ASIC2: variants seen among roughly 807,000 people sequenced by gnomAD.
ASIC2 encodes acid-sensing ion channel 2.
Under a neutral mutation model 57.3 loss-of-function variants are expected in ASIC2, and 25 were observed. That is an observed-to-expected ratio of 0.44 (90% CI 0.32 to 0.61). The LOEUF is 0.61. Ranked by LOEUF, ASIC2 falls within the 20% of genes least tolerant of loss-of-function variation. The probability of loss-of-function intolerance (pLI) is 0.06; values close to 1 mark genes in which losing one functional copy is unlikely to be tolerated. For synonymous variants in ASIC2, 319 were observed against 307.5 expected, an observed-to-expected ratio of 1.04 and a Z score of -0.39; for missense variants, 641 against 738.1, an observed-to-expected ratio of 0.87 and a Z score of 1.52.
chr17:33,274,982 C>A (rs34402407), intron 1 of ASIC2, among the ~76,000 whole-genome samples: 3,383 of 152,188 alleles, frequency 0.022, 96 homozygotes, highest in African/African-American at 0.067. Flanking sequence ...CACCCCTCCT[C>A]ATTTCTCCCA....
chr17:33,912,481 A>G (rs1915489534), intron 1 of ASIC2, among the ~76,000 whole-genome samples: 1 of 151,838 alleles, frequency 6.6e-6, no homozygotes. Context: ...CCTCCATCTC[A>G]AAACAAACAA....
rs80019996 is a variant in ASIC2, at chr17:34,058,251, G to A, written c.555+97727C>T. Reference sequence around the variant, plus strand: ...GGCTGCCTATGTAAGATGCACCTCCGAGTTTTCTTTGAGGGTTCAATGATA... The same window carrying A: ...GGCTGCCTATGTAAGATGCACCTCCAAGTTTTCTTTGAGGGTTCAATGATA... On this transcript the variant is annotated intron_variant, in intron 1 of 9. Transcript: ENST00000359872. Among the ~76,000 whole-genome samples, 449 of 152,280 alleles carry A rather than the reference G, an allele frequency of 2.9e-3. 3 individuals carry two copies. The highest frequency in any genetic ancestry group is 0.01 in the African/African-American group (426 of 41,562).
At chr17:34,046,623 C>G (rs1054483827) in intron 1 of ASIC2, among the ~76,000 whole-genome samples, 8 of 152,132 alleles carry the variant, frequency 5.3e-5, no homozygotes, top group Non-Finnish European at 1.0e-4. Context: ...CCTCCCACAC[C>G]AGTACCTACC....
At chr17:33,877,343 A>AG in intron 1 of ASIC2, among the ~76,000 whole-genome samples, 1 of 152,212 alleles carries the variant, frequency 6.6e-6, no homozygotes. Flanking sequence ...GGGAAGCTCA[A>AG]GGGGTCAGGG....
chr17:34,112,679 C>T (rs1286872085), intron 1 of ASIC2, among the ~76,000 whole-genome samples: 19 of 152,128 alleles, frequency 1.2e-4, no homozygotes. Flanking sequence ...TTCCCTGGTC[C>T]TCTGGGCATT....
At chr17:33,490,070 C>T (rs926392864) in intron 1 of ASIC2, among the ~76,000 whole-genome samples, 3 of 152,240 alleles carry the variant, frequency 2.0e-5, no homozygotes, top group African/African-American at 7.2e-5. Flanking sequence ...TTTAGAACAG[C>T]CAAATCCAGC....
At chr17:33,108,151 G>A (rs2092242537) in intron 2 of ASIC2, among the ~76,000 whole-genome samples, 1 of 152,152 alleles carries the variant, frequency 6.6e-6, no homozygotes, top group Admixed American at 6.5e-5. Flanking sequence ...CACTCACTTG[G>A]CCTGAGTCAC....
chr17:33,239,425 G>A (rs545771024), intron 1 of ASIC2, among the ~76,000 whole-genome samples: 2 of 152,228 alleles, frequency 1.3e-5, no homozygotes, highest in Admixed American at 1.3e-4. Flanking sequence ...CCATCTGATA[G>A]TCTGTATGTT....
intron 1 of ASIC2, among the ~76,000 whole-genome samples, chr17:33,585,864 G>T (rs773483811): frequency 3.9e-5 from 6 of 152,126 alleles, no homozygotes; most frequent in Non-Finnish European, 7.4e-5. Context: ...CTTGAAAGCT[G>T]CTTCAAATCC....
At chr17:33,888,156 A>G (rs1029739002) in intron 1 of ASIC2, among the ~76,000 whole-genome samples, 5 of 152,198 alleles carry the variant, frequency 3.3e-5, no homozygotes, top group African/African-American at 9.6e-5. Context: ...GCACCTATCT[A>G]TACATACATG....
chr17:34,073,388 A>G (rs1598008264), intron 1 of ASIC2, among the ~76,000 whole-genome samples: 1 of 152,224 alleles, frequency 6.6e-6, no homozygotes, highest in Non-Finnish European at 1.5e-5. Context: ...CCTGATTTGC[A>G]CACCCAAAGT....
chr17:33,699,169 C>G (rs559519645), intron 1 of ASIC2, among the ~76,000 whole-genome samples: 2 of 152,294 alleles, frequency 1.3e-5, no homozygotes, highest in South Asian at 4.1e-4. Context: ...CACTGGTTCT[C>G]TCCTCACAAG....
intron 1 of ASIC2, among the ~76,000 whole-genome samples, chr17:33,436,345 G>A (rs1451294041): frequency 2.0e-5 from 3 of 152,156 alleles, no homozygotes; most frequent in East Asian, 3.9e-4. Flanking sequence ...GGAGTTATGT[G>A]GCCAGAGGTC....
At chr17:34,058,797 T>C (rs1908863720) in intron 1 of ASIC2, among the ~76,000 whole-genome samples, 1 of 152,216 alleles carries the variant, frequency 6.6e-6, no homozygotes, top group Admixed American at 6.5e-5. Context: ...GGTGACATCA[T>C]GCTCACTGAG....
At chr17:34,032,067 A>C (rs529740366) in intron 1 of ASIC2, among the ~76,000 whole-genome samples, 31 of 152,318 alleles carry the variant, frequency 2.0e-4, no homozygotes, top group East Asian at 1.7e-3. Context: ...TTGTCAGATG[A>C]ACCAAAGTTG....
chr17:33,731,576 A>C (rs200576864), intron 1 of ASIC2, among the ~76,000 whole-genome samples: 21 of 152,208 alleles, frequency 1.4e-4, no homozygotes, highest in Non-Finnish European at 1.2e-4. Context: ...GGAATTTAAT[A>C]TACAGAGAGA....
intron 1 of ASIC2, chr17:34,038,942 T>A: frequency 6.2e-7 from 1 of 1,612,994 alleles, no homozygotes; most frequent in South Asian, 1.1e-5. Flanking sequence ...ATCTGTCCAC[T>A]GCTCAGTAAA....
chr17:33,540,569 A>G (rs890702554), intron 1 of ASIC2, among the ~76,000 whole-genome samples: 2 of 152,168 alleles, frequency 1.3e-5, no homozygotes, highest in Admixed American at 6.5e-5. Context: ...GCAATTTATT[A>G]TAAGGGCAAG....
At chr17:33,199,787 A>G (rs1906782263) in intron 1 of ASIC2, among the ~76,000 whole-genome samples, 1 of 152,136 alleles carries the variant, frequency 6.6e-6, no homozygotes, top group Non-Finnish European at 1.5e-5. Flanking sequence ...CAACCTGGAT[A>G]CATGTCACAT....
Sources: allele counts gnomAD v4.1 joint callset (sites outside exome capture counted in the v4.1 genomes callset), GRCh38; gene constraint gnomAD v4.1.1; transcripts MANE v1.5; gene names NCBI Gene and HGNC (gene_info 2026-07-23, HGNC 2026-07-21).